Variants in TPST1 observed in about 807,000 individuals in gnomAD.
The protein encoded by TPST1 is tyrosylprotein sulfotransferase 1, also known as protein-tyrosine sulfotransferase 1.
A neutral mutation model predicts 34.8 loss-of-function variants in TPST1; 20 were observed. The observed-to-expected ratio is 0.57, with a 90% CI of 0.40 to 0.84. The LOEUF (loss-of-function observed/expected upper bound fraction) is 0.84. TPST1 is among the 40% of genes least tolerant of loss of function. The probability of loss-of-function intolerance (pLI) is 0.00; values close to 1 mark genes in which losing one functional copy is unlikely to be tolerated. For missense variants in TPST1, 353 were observed against 455.5 expected, an observed-to-expected ratio of 0.78 and a Z score of 2.05; for synonymous variants, 152 against 159.4, an observed-to-expected ratio of 0.95 and a Z score of 0.35.
At chr7:66,210,310 C>T (rs1187819740) in intron 1 of TPST1, among the ~76,000 whole-genome samples, 1 of 152,202 alleles carries the variant, frequency 6.6e-6, no homozygotes, top group African/African-American at 2.4e-5. Flanking sequence ...CCAATGATAA[C>T]ATCTTGATGC....
intron 2 of TPST1, among the ~76,000 whole-genome samples, chr7:66,271,154 C>T (rs1462312669): frequency 6.6e-6 from 1 of 151,990 alleles, no homozygotes; most frequent in African/African-American, 2.4e-5. Context: ...TTATTGAGTT[C>T]AAATTGTTCC....
chr7:66,356,489 T>A (rs1792585598), intron 4 of TPST1, among the ~76,000 whole-genome samples: 1 of 152,246 alleles, frequency 6.6e-6, no homozygotes, highest in South Asian at 2.1e-4. Context: ...AGAGTTGACG[T>A]GGGCTCCAAG....
rs78139300 is a variant in TPST1 at position 66,254,138 on chromosome 7, T to C, written c.845+12868T>C. ...CTCCGTATATATTTTAAAATCAACT[T>C]GCCTGATTTCATGAAAAATCAGACT... On this transcript the variant is annotated intron_variant, in intron 2 of 5. Coordinates refer to ENST00000304842, the MANE Select transcript of TPST1 (RefSeq NM_003596.4). Among the ~76,000 whole-genome samples, 1,058 of 152,250 alleles carry C rather than the reference T, an allele frequency of 6.9e-3. 15 individuals are homozygous for C. The highest frequency in any genetic ancestry group is 0.024 in the African/African-American group (992 of 41,550).
chr7:66,268,297 A>G (rs1346746944), intron 2 of TPST1, among the ~76,000 whole-genome samples: 4 of 152,220 alleles, frequency 2.6e-5, no homozygotes, highest in East Asian at 1.9e-4. Flanking sequence ...GCCTTCAACT[A>G]TATATGCCTT....
intron 1 of TPST1, among the ~76,000 whole-genome samples, chr7:66,215,461 G>T (rs1290515248): frequency 6.7e-6 from 1 of 148,304 alleles, no homozygotes; most frequent in African/African-American, 2.5e-5. Flanking sequence ...TGCAAGCTCT[G>T]CCTCCTGGGT....
At chr7:66,344,824 T>C (rs1792310552) in intron 3 of TPST1, among the ~76,000 whole-genome samples, 3 of 150,476 alleles carry the variant, frequency 2.0e-5, no homozygotes, top group Middle Eastern at 3.2e-3. Flanking sequence ...CCTGGGTTCA[T>C]GCCATTCTTC....
intron 3 of TPST1, among the ~76,000 whole-genome samples, chr7:66,305,804 G>A (rs1345286469): frequency 6.6e-6 from 1 of 152,194 alleles, no homozygotes; most frequent in African/African-American, 2.4e-5. Context: ...GGGCTATTTC[G>A]ATTTTCTTGT....
At chr7:66,330,966 C>T (rs768185217) in intron 3 of TPST1, among the ~76,000 whole-genome samples, 5 of 152,174 alleles carry the variant, frequency 3.3e-5, no homozygotes, top group Non-Finnish European at 5.9e-5. Flanking sequence ...GCAAAGCTAC[C>T]TAGATGCTTC....
chr7:66,320,208 A>T (rs1455393819), intron 3 of TPST1, among the ~76,000 whole-genome samples: 1 of 142,532 alleles, frequency 7.0e-6, no homozygotes, highest in Non-Finnish European at 1.6e-5. Context: ...GACAATATTC[A>T]TTTGTGTCTG....
At position 66,301,570 on chromosome 7, in the gene TPST1, T is replaced by C. The variant is rs191571344; in HGVS notation, c.1044+14861T>C. On this transcript the variant is annotated intron_variant, in intron 3 of 5. Coordinates refer to ENST00000304842, the MANE Select transcript of TPST1 (RefSeq NM_003596.4). Reference sequence around the variant, plus strand: ...AAAGTGAGAGATATGCGACTATTCCTTTCATTTGGACACTTAGAGCCCATT... The same window carrying C: ...AAAGTGAGAGATATGCGACTATTCCCTTCATTTGGACACTTAGAGCCCATT... 2.4e-4 allele frequency among the ~76,000 whole-genome samples: 37 copies of C among 152,354 alleles called. 1 individual carries two copies. In the East Asian group the frequency reaches 7.1e-3, roughly 29 times the overall value.
chr7:66,329,540 C>T (rs1357837479), intron 3 of TPST1, among the ~76,000 whole-genome samples: 2 of 152,014 alleles, frequency 1.3e-5, no homozygotes, highest in Non-Finnish European at 2.9e-5. Context: ...AATTTGAAGA[C>T]GTGTATGAGG....
chr7:66,273,383 A>G (rs975616427), intron 2 of TPST1, among the ~76,000 whole-genome samples: 1 of 152,244 alleles, frequency 6.6e-6, no homozygotes, highest in Non-Finnish European at 1.5e-5. Context: ...TACAATCCCT[A>G]TCAAAATTTC....
chr7:66,317,717 A>T (rs1791663594), intron 3 of TPST1, among the ~76,000 whole-genome samples: 1 of 151,652 alleles, frequency 6.6e-6, no homozygotes, highest in Admixed American at 6.6e-5. Context: ...TCCCTTTTTT[A>T]AAACTATATT....
At chr7:66,250,582 G>T (rs1790242094) in intron 2 of TPST1, among the ~76,000 whole-genome samples, 1 of 151,998 alleles carries the variant, frequency 6.6e-6, no homozygotes, top group Admixed American at 6.6e-5. Context: ...TAATATGTTA[G>T]ATCCCCCTTA....
At chr7:66,251,805 C>G (rs902511026) in intron 2 of TPST1, among the ~76,000 whole-genome samples, 1 of 139,660 alleles carries the variant, frequency 7.2e-6, no homozygotes, top group African/African-American at 2.7e-5. Flanking sequence ...TTTTTTTTTT[C>G]TCTGGCCTAA....
chr7:66,277,871 G>C (rs1297306034), intron 2 of TPST1, among the ~76,000 whole-genome samples: 1 of 151,940 alleles, frequency 6.6e-6, no homozygotes, highest in African/African-American at 2.4e-5. Context: ...GAAATAGGCT[G>C]GGTGGATCAC....
intron 3 of TPST1, among the ~76,000 whole-genome samples, chr7:66,307,120 A>G (rs898048379): frequency 2.6e-5 from 4 of 151,992 alleles, no homozygotes; most frequent in Admixed American, 6.6e-5. Flanking sequence ...TAATGGAACC[A>G]AAACTCCACT....
At chr7:66,352,441 C>T (rs768001533) in intron 3 of TPST1, 64 bp from the exon 4 acceptor site, 7 of 1,580,270 alleles carry the variant, frequency 4.4e-6, no homozygotes, top group Non-Finnish European at 6.0e-6. Flanking sequence ...AGGCATGGCA[C>T]ATGTCCTGCA....
At chr7:66,204,173 C>CAA (rs796992972), upstream of TPST1, among the ~76,000 whole-genome samples, 1 of 127,234 alleles carries the variant, frequency 7.9e-6, no homozygotes, top group Non-Finnish European at 1.7e-5. Context: ...TGAGACTCTT[C>CAA]AAAAAAAAAA....
Sources: allele counts gnomAD v4.1 joint callset (sites outside exome capture counted in the v4.1 genomes callset), GRCh38; gene constraint gnomAD v4.1.1; transcripts MANE v1.5; gene names NCBI Gene and HGNC (gene_info 2026-07-23, HGNC 2026-07-21).